Variants in CHRNB1 observed in about 807,000 individuals in gnomAD.
The protein encoded by CHRNB1 is acetylcholine receptor subunit beta.
CHRNB1 carries 47 observed loss-of-function variants against 53.8 expected under a neutral mutation model. That is an observed-to-expected ratio of 0.87 (90% CI 0.69 to 1.11). CHRNB1 has a LOEUF of 1.11. CHRNB1 is among the 50% of genes most tolerant of loss of function. The pLI, the probability that CHRNB1 is intolerant of heterozygous loss-of-function variation, is 0.00. For synonymous variants in CHRNB1, 259 were observed against 263.5 expected, an observed-to-expected ratio of 0.98 and a Z score of 0.16; for missense variants, 605 against 654.9, an observed-to-expected ratio of 0.92 and a Z score of 0.83.
chr17:7,450,453 A>C (rs1372984487), intron 7 of CHRNB1, among the ~76,000 whole-genome samples: 4 of 152,016 alleles, frequency 2.6e-5, no homozygotes, highest in African/African-American at 9.7e-5. Flanking sequence ...AAATTCCTTA[A>C]TCCCTATGTG....
At position 7,454,360 on chromosome 17, in the gene CHRNB1, C is replaced by G; in HGVS notation, c.884C>G (p.Ala295Gly). The G allele has an allele frequency of 1.2e-6, 2 of 1,614,164 alleles. No homozygotes were observed. Among genetic ancestry groups the G allele is most frequent in the Non-Finnish European group, 1.7e-6 (2 of 1,180,022 alleles). Residue 295 changes from alanine to glycine, a missense_variant, in exon 8 of 11, where the codon GCT becomes GGT. Transcript: ENST00000306071. ...CTTACTGTGTTCCTGCTGCTGCTGG[C>G]TGACAAAGTACCTGAGACCTCACTA... ...LTLTVFLLLL[A>G]DKVPETSLSV...
Position 7,457,044 on chromosome 17 carries a change from G to C in CHRNB1, c.*321G>C. The C allele has an allele frequency of 2.9e-6, 1 of 345,370 alleles. No individual in the cohort carries two copies. The highest frequency in any genetic ancestry group is 2.6e-5 in the South Asian group (1 of 38,362). The allele number at this position is 345,370 out of a possible 1,614,324, so 21.4% of individuals were successfully genotyped here. ...GTCAAGAAATGTGACTTGGCCGGGCGCGGTGGCTCACGCCTGTAATCCCAG... is the reference window on the plus strand; with the variant it reads ...GTCAAGAAATGTGACTTGGCCGGGCCCGGTGGCTCACGCCTGTAATCCCAG... On this transcript the variant is annotated 3_prime_UTR_variant, in exon 11 of 11. Coordinates refer to ENST00000306071, the MANE Select transcript of CHRNB1 (RefSeq NM_000747.3).
chr17:7,455,644 A>C (rs2150843189), intron 9 of CHRNB1, 150 bp from the exon 10 acceptor site: 2 of 1,276,124 alleles, frequency 1.6e-6, no homozygotes, highest in South Asian at 2.4e-5. Context: ...GAAGTTGCAC[A>C]AGGCTAGAGA....
chr17:7,456,048 GCTTTTTTTTTTT>G (rs763592027), intron 10 of CHRNB1, 107 bp downstream of exon 10: 1 of 780,902 alleles, frequency 1.3e-6, no homozygotes, highest in Non-Finnish European at 1.9e-6. Flanking sequence ...TTTTTTTTTG[GCTTTTTTTTTTT>G]TTTTTTTTTT....
chr17:7,445,405 G>T lies in CHRNB1; in HGVS notation c.194G>T (p.Ser65Ile). 3.1e-6 allele frequency: 5 copies of T among 1,611,484 alleles called. No individual in the cohort carries two copies. Among genetic ancestry groups the T allele is most frequent in the Non-Finnish European group, 4.2e-6 (5 of 1,179,506 alleles). Reference sequence around the variant, plus strand: ...GGTCTCATCCTGGCGCAACTCATCAGCCTGGTGAGGGCGCGCGGGGGGTGG... The same window carrying T: ...GGTCTCATCCTGGCGCAACTCATCATCCTGGTGAGGGCGCGCGGGGGGTGG... ...SVGLILAQLI[S>I]LNEKDEEMST... The change falls in exon 2 of 11, where the codon AGC (serine) becomes ATC (isoleucine). Residue 65 changes from serine to isoleucine, a missense_variant. By Grantham distance (142) the Ser-to-Ile change is moderately radical. Coordinates refer to ENST00000306071, the MANE Select transcript of CHRNB1 (RefSeq NM_000747.3). This position sits in a 1 kb window ranked among gnomAD's most constrained non-coding sequence, Gnocchi z 5.7.
Position 7,456,701 on chromosome 17 carries a change from C to T in CHRNB1, c.1484C>T (p.Pro495Leu). The T allele has an allele frequency of 1.9e-6, 3 of 1,614,164 alleles. No individual in the cohort carries two copies. The highest frequency in any genetic ancestry group is 2.5e-6 in the Non-Finnish European group (3 of 1,180,034). The change falls in exon 11 of 11, where the codon CCC becomes CTC. Residue 495 changes from proline to leucine, a missense_variant. By Grantham distance (98) the Pro-to-Leu change is moderately conservative. Transcript: ENST00000306071. ...VIFLDATYHL[P>L]PPDPFP ...TTCCTGGACGCCACGTACCACTTGC[C>T]CCCTCCAGACCCCTTTCCTTGAAGA... is the stretch of plus-strand genomic sequence containing the variant.
At chr17:7,454,177 C>T (rs1908987674) in intron 7 of CHRNB1, 120 bp from the exon 8 acceptor site, 1 of 882,030 alleles carries the variant, frequency 1.1e-6, no homozygotes, top group Non-Finnish European at 1.9e-6. Context: ...CAGGTGTGAA[C>T]CACTGTGCCT....
chr17:7,456,429 G>A (rs1375116474), intron 10 of CHRNB1, among the ~76,000 whole-genome samples, 154 bp from the exon 11 acceptor site: 1 of 152,186 alleles, frequency 6.6e-6, no homozygotes, highest in Non-Finnish European at 1.5e-5. Flanking sequence ...TTATGCCCAT[G>A]CATTGCCTGC....
At position 7,445,061 on chromosome 17, in the gene CHRNB1, G is replaced by C. The variant is rs529178559; in HGVS notation, c.-67G>C. ...ACAGGTGCACATTCCCGGGCTCCTC[G>C]TCACTTCCCCTGTGCTGGCGGTCCC... On this transcript the variant is annotated 5_prime_UTR_variant, in exon 1 of 11. Coordinates refer to ENST00000306071, the MANE Select transcript of CHRNB1 (RefSeq NM_000747.3). The surrounding 1 kb of genome is among the most constrained non-coding windows in gnomAD (Gnocchi z 5.7). The C allele has an allele frequency of 8.0e-5, 125 of 1,554,092 alleles. 4 individuals carry two copies. In the South Asian group the frequency reaches 1.2e-3, roughly 14 times the overall value.
intron 7 of CHRNB1, among the ~76,000 whole-genome samples, chr17:7,453,377 G>T (rs905838985): frequency 6.6e-6 from 1 of 151,982 alleles, no homozygotes; most frequent in Non-Finnish European, 1.5e-5. Flanking sequence ...CCTCGGCCTC[G>T]CAAAGTGCTG....
In CHRNB1 at chr17:7,456,350, G is replaced by T. The variant is rs549880086; in HGVS notation, c.1366-233G>T. Among the ~76,000 whole-genome samples the T allele has an allele frequency of 9.2e-5, 14 of 152,198 alleles. No individual in the cohort carries two copies. In the East Asian group the frequency reaches 1.9e-3, roughly 21 times the overall value. On this transcript the variant is annotated intron_variant, in intron 10 of 10. Coordinates refer to ENST00000306071, the MANE Select transcript of CHRNB1 (RefSeq NM_000747.3). The stretch of plus-strand genomic sequence containing the variant: ...ATTACAGGCGTGAGCCACCGCGCCC[G>T]GCCTCGCTTTCGTTTCTGATTGGAC...
intron 7 of CHRNB1, among the ~76,000 whole-genome samples, chr17:7,449,958 G>A (rs1378885596): frequency 6.6e-6 from 1 of 151,312 alleles, no homozygotes; most frequent in African/African-American, 2.4e-5. Context: ...GCAGGAGAAT[G>A]GCGTGAACCC....
chr17:7,446,046 C>G (rs1567676633), intron 2 of CHRNB1, 23 bp from the exon 3 acceptor site: 38 of 1,612,606 alleles, frequency 2.4e-5, no homozygotes, highest in Non-Finnish European at 3.1e-5. Context: ...TTCACCTTTA[C>G]GCCTTAAATT....
rs58239884 is a variant in CHRNB1, at chr17:7,446,327, CTGTGTGTGTGTG to C, written c.243+249_243+260del. On this transcript the variant is annotated intron_variant, in intron 3 of 10. Transcript: ENST00000306071. ...TTTGTGTGTGTGTGTGTGTGTGTGTCTGTGTGTGTGTGTGTGTGTGTGTGTGTGTGTGTGTGT... is the reference window on the plus strand; with the variant it reads ...TTTGTGTGTGTGTGTGTGTGTGTGTCTGTGTGTGTGTGTGTGTGTGTGTGT... 1,273 of 235,082 alleles carry C rather than the reference CTGTGTGTGTGTG, an allele frequency of 5.4e-3. 22 individuals carry two copies. The highest frequency in any genetic ancestry group is 0.032 in the African/African-American group (1,136 of 35,588). The allele number at this position is 235,082 out of a possible 1,614,324, so 14.6% of individuals were successfully genotyped here.
At position 7,445,582 on chromosome 17, in the gene CHRNB1, C is replaced by A; in HGVS notation, c.198+173C>A. ...ATCAGACCAATGGACAAGCTCTGGC[C>A]GTGGGTGGTGGACGGGCCTGGAGTA... is the stretch of plus-strand genomic sequence containing the variant. On this transcript the variant is annotated intron_variant, in intron 2 of 10. Transcript: ENST00000306071. This position sits in a 1 kb window ranked among gnomAD's most constrained non-coding sequence, Gnocchi z 5.7. 6.8e-7 allele frequency: 1 copy of A among 1,478,150 alleles called. No homozygotes were observed. Among genetic ancestry groups the A allele is most frequent in the Non-Finnish European group, 9.0e-7 (1 of 1,116,180 alleles). 91.6% of individuals were successfully genotyped at this position (1,478,150 alleles called of 1,614,324 possible). A position where few individuals can be genotyped will look rare whatever the true frequency, so the allele number is the denominator to read the frequency against.
At position 7,454,301 on chromosome 17, in the gene CHRNB1, G is replaced by A. The variant is rs1420591225; in HGVS notation, c.825G>A (p.Glu275=). Residue 275 remains glutamate (E), a synonymous_variant, in exon 8 of 11, where the codon GAG becomes GAA. Transcript: ENST00000306071. ...TCTTCCCCTCTGCCCTCCAAGGAGA[G>A]AAGATGGGGCTCTCAATCTTTGCCC... ...FVFYLPPDAG[E]KMGLSIFALL... 1 of 1,613,868 alleles carries A rather than the reference G, an allele frequency of 6.2e-7. No individual in the cohort carries two copies. The highest frequency in any genetic ancestry group is 1.1e-5 in the South Asian group (1 of 91,082).
Position 7,448,757 on chromosome 17 carries a change from C to T in CHRNB1, c.789C>T (p.Ala263=), listed in dbSNP as rs1908768950. Reference sequence around the variant, plus strand: ...CATGCATCCTCATCACTCTTCTGGCCATCTTCGTCTTCTACCTGCCACCAG... The same window carrying T: ...CATGCATCCTCATCACTCTTCTGGCTATCTTCGTCTTCTACCTGCCACCAG... ...IAPCILITLL[A]IFVFYLPPDA... The change falls in exon 7 of 11, where the codon GCC becomes GCT. Residue 263 remains alanine (A), a synonymous_variant. Coordinates refer to ENST00000306071, the MANE Select transcript of CHRNB1 (RefSeq NM_000747.3). The T allele has an allele frequency of 6.2e-7, 1 of 1,614,122 alleles. No individual in the cohort carries two copies. Among genetic ancestry groups the T allele is most frequent in the African/African-American group, 1.3e-5 (1 of 74,930 alleles).
intron 7 of CHRNB1, among the ~76,000 whole-genome samples, chr17:7,450,213 G>C (rs1297723717): frequency 2.0e-5 from 3 of 148,448 alleles, no homozygotes; most frequent in African/African-American, 7.5e-5. Flanking sequence ...GCATGATCTT[G>C]GCTCACTGCA....
At position 7,445,820 on chromosome 17, in the gene CHRNB1, G is replaced by C. The variant is rs990069933; in HGVS notation, c.199-249G>C. ...AGCTGAAGGCAGGGCCGGGGACAGA[G>C]CTAGGCGGAGGGCTAGGCAGGGGCG... On this transcript the variant is annotated intron_variant, in intron 2 of 10. Coordinates refer to ENST00000306071, the MANE Select transcript of CHRNB1 (RefSeq NM_000747.3). This position sits in a 1 kb window ranked among gnomAD's most constrained non-coding sequence, Gnocchi z 5.7. The C allele has an allele frequency of 1.6e-6, 1 of 623,726 alleles. No individual in the cohort carries two copies. Among genetic ancestry groups the C allele is most frequent in the Admixed American group, 2.8e-5 (1 of 35,178 alleles). 38.6% of individuals were successfully genotyped at this position (623,726 alleles called of 1,614,324 possible). A position where few individuals can be genotyped will look rare whatever the true frequency, so the allele number is the denominator to read the frequency against.
Sources: gnomAD v4.1 joint callset for allele counts (sites outside exome capture counted in the v4.1 genomes callset) on GRCh38, gnomAD v4.1.1 for gene constraint, Gnocchi (gnomAD v3.1) non-coding constraint, MANE v1.5 for transcripts, NCBI Gene and HGNC (gene_info 2026-07-23, HGNC 2026-07-21) for gene names.